UNC5A: variants seen among roughly 807,000 people sequenced by gnomAD.
UNC5A encodes unc-5 netrin receptor A, also known as netrin receptor UNC5A.
UNC5A carries 20 observed loss-of-function variants against 87.4 expected under a neutral mutation model. The ratio of observed to expected loss-of-function variants is 0.23; its 90% CI spans 0.16 to 0.33. The LOEUF is 0.33. UNC5A is among the 10% of genes least tolerant of loss of function. UNC5A has a pLI of 1.00. For synonymous variants in UNC5A, 438 were observed against 482.3 expected, an observed-to-expected ratio of 0.91 and a Z score of 1.20; for missense variants, 844 against 1,133.4, an observed-to-expected ratio of 0.74 and a Z score of 3.67.
intron 1 of UNC5A, among the ~76,000 whole-genome samples, chr5:176,820,408 A>G (rs1421538241): frequency 1.3e-5 from 2 of 152,074 alleles, no homozygotes; most frequent in Non-Finnish European, 2.9e-5. Flanking sequence ...AAAAAAAAAG[A>G]AAAGAAAGAA....
intron 1 of UNC5A, among the ~76,000 whole-genome samples, chr5:176,815,985 A>T (rs1756577065): frequency 6.6e-6 from 1 of 152,264 alleles, no homozygotes. Context: ...GACATGGCAC[A>T]GAGTGGGGCA....
intron 1 of UNC5A, among the ~76,000 whole-genome samples, chr5:176,813,627 A>G (rs1490552208): frequency 6.6e-6 from 1 of 152,168 alleles, no homozygotes; most frequent in Non-Finnish European, 1.5e-5. Flanking sequence ...GGAACCAGGG[A>G]TAGGCATTGA....
chr5:176,880,091 C>G lies in UNC5A; in HGVS notation c.*205C>G. Reference sequence around the variant, plus strand: ...GCCTGCCTAGCCAGGCTGGCACTGCCACTCACACTCGGCCCCAGGGCCCAG... The same window carrying G: ...GCCTGCCTAGCCAGGCTGGCACTGCGACTCACACTCGGCCCCAGGGCCCAG... On this transcript the variant is annotated 3_prime_UTR_variant, in exon 15 of 15. Transcript: ENST00000329542. 1.5e-6 allele frequency: 1 copy of G among 659,700 alleles called. No individual in the cohort carries two copies. The highest frequency in any genetic ancestry group is 2.9e-5 in the East Asian group (1 of 34,126). 40.9% of individuals were successfully genotyped at this position (659,700 alleles called of 1,614,324 possible).
chr5:176,812,484 G>A (rs527923870), intron 1 of UNC5A, among the ~76,000 whole-genome samples: 6 of 152,338 alleles, frequency 3.9e-5, no homozygotes, highest in Admixed American at 2.0e-4. Flanking sequence ...CCTGATGAAC[G>A]TGTGTGATGA....
At chr5:176,836,290 G>A (rs182663945) in intron 1 of UNC5A, among the ~76,000 whole-genome samples, 16 of 152,334 alleles carry the variant, frequency 1.1e-4, no homozygotes, top group African/African-American at 3.6e-4. Context: ...GTGAGTGAGG[G>A]ATGCCAGTAC....
intron 2 of UNC5A, chr5:176,864,933 C>A: frequency 2.3e-6 from 1 of 428,444 alleles, no homozygotes; most frequent in South Asian, 1.7e-5. Flanking sequence ...CCCTGCCCAG[C>A]AGCAGGGCCC....
chr5:176,879,662 G>A (rs922859197), intron 14 of UNC5A, 59 bp from the exon 15 acceptor site: 26 of 1,594,212 alleles, frequency 1.6e-5, no homozygotes, highest in South Asian at 5.7e-5. Context: ...GGCCAGGGGG[G>A]GCAGGAGGTG....
At chr5:176,837,392 T>C (rs974510454) in intron 1 of UNC5A, among the ~76,000 whole-genome samples, 1 of 152,196 alleles carries the variant, frequency 6.6e-6, no homozygotes, top group African/African-American at 2.4e-5. Context: ...TCTCTCCGGC[T>C]GACTTCCCAG....
chr5:176,830,973 GGTGTGT>G (rs140085130), intron 1 of UNC5A, among the ~76,000 whole-genome samples: 1 of 148,994 alleles, frequency 6.7e-6, no homozygotes, highest in Non-Finnish European at 1.5e-5. Context: ...TGTGTGTGCT[GGTGTGT>G]GTGTGTGTGA....
intron 1 of UNC5A, among the ~76,000 whole-genome samples, chr5:176,854,710 G>A (rs1757625993): frequency 6.6e-6 from 1 of 152,230 alleles, no homozygotes; most frequent in African/African-American, 2.4e-5. Context: ...TTGTCCCATT[G>A]CTGGGAATGA....
chr5:176,855,244 G>A (rs992703763), intron 1 of UNC5A, among the ~76,000 whole-genome samples: 1 of 152,258 alleles, frequency 6.6e-6, no homozygotes, highest in Non-Finnish European at 1.5e-5. Context: ...AATGCCTGCA[G>A]GACTGGCCCT....
chr5:176,814,227 G>A (rs1464550799), intron 1 of UNC5A, among the ~76,000 whole-genome samples: 9 of 152,124 alleles, frequency 5.9e-5, no homozygotes, highest in African/African-American at 1.2e-4. Flanking sequence ...GAAAGCTTTC[G>A]GTGACTCCCA....
In UNC5A at chr5:176,874,625, C is replaced by G. The variant is rs1758217362; in HGVS notation, c.1378+59C>G. 2 of 1,479,260 alleles carry G rather than the reference C, an allele frequency of 1.4e-6. No individual in the cohort carries two copies. Among genetic ancestry groups the G allele is most frequent in the Non-Finnish European group, 1.8e-6 (2 of 1,110,486 alleles). The allele number at this position is 1,479,260 out of a possible 1,614,324, so 91.6% of individuals were successfully genotyped here. A position where few individuals can be genotyped will look rare whatever the true frequency, so the allele number is the denominator to read the frequency against. ...ACTTCCCTCCTGGAGGAGGACGGGA[C>G]AGCCGGACGTTCCTCTCGTGCCCCT... On this transcript the variant is annotated intron_variant, in intron 8 of 14. Transcript: ENST00000329542. This position sits in a 1 kb window ranked among gnomAD's most constrained non-coding sequence, Gnocchi z 7.6.
rs1188429929 is a variant in UNC5A, at chr5:176,862,605, C to T, written c.71-19C>T. The T allele has an allele frequency of 1.2e-6, 2 of 1,611,370 alleles. No individual in the cohort carries two copies. The highest frequency in any genetic ancestry group is 1.7e-6 in the Non-Finnish European group (2 of 1,178,990). Reference sequence around the variant, plus strand: ...CCAGTCTGGCCCCTGGCTCACCTTCCCCCTCTGCCCTGCCGCAGGTGCCCA... The same window carrying T: ...CCAGTCTGGCCCCTGGCTCACCTTCTCCCTCTGCCCTGCCGCAGGTGCCCA... On this transcript the variant is annotated intron_variant, in intron 1 of 14. Coordinates refer to ENST00000329542, the MANE Select transcript of UNC5A (RefSeq NM_133369.3).
chr5:176,843,888 G>A lies in UNC5A; in HGVS notation c.71-18736G>A, dbSNP rs142464322. ...CGTTCTGACAGACGTGCGGCGCGTG[G>A]GGAGGGCTCTCAGCTGCTCCCTGGA... On this transcript the variant is annotated intron_variant, in intron 1 of 14. Transcript: ENST00000329542. Among the ~76,000 whole-genome samples the A allele has an allele frequency of 9.4e-3, 1,432 of 152,370 alleles. 5 individuals carry two copies. Among genetic ancestry groups the A allele is most frequent in the Non-Finnish European group, 0.017 (1,140 of 68,038 alleles).
intron 1 of UNC5A, among the ~76,000 whole-genome samples, chr5:176,829,354 TG>T (rs1307587306): frequency 7.0e-6 from 1 of 142,686 alleles, no homozygotes; most frequent in Non-Finnish European, 1.5e-5. Context: ...GATGGATGGA[TG>T]GATGGATGGA....
At chr5:176,854,558 G>A (rs1439123463) in intron 1 of UNC5A, among the ~76,000 whole-genome samples, 1 of 152,124 alleles carries the variant, frequency 6.6e-6, no homozygotes, top group Non-Finnish European at 1.5e-5. Flanking sequence ...GCTTCCCCAG[G>A]GTCCAGCACT....
Position 176,862,545 on chromosome 5 carries a change from T to G in UNC5A, c.71-79T>G, listed in dbSNP as rs1757865959. ...TCCTCCCATCTGCCCCAACCCACGGTGGAATCGTTTGCTGAGCCGCTGCCT... is the reference window on the plus strand; with the variant it reads ...TCCTCCCATCTGCCCCAACCCACGGGGGAATCGTTTGCTGAGCCGCTGCCT... On this transcript the variant is annotated intron_variant, in intron 1 of 14. Transcript: ENST00000329542. 4.4e-6 allele frequency: 6 copies of G among 1,351,950 alleles called. No individual in the cohort carries two copies. The East Asian group carries it at 1.5e-4, about 33-fold the overall frequency. The allele number at this position is 1,351,950 out of a possible 1,614,324, so 83.7% of individuals were successfully genotyped here. A position where few individuals can be genotyped will look rare whatever the true frequency, so the allele number is the denominator to read the frequency against.
intron 1 of UNC5A, among the ~76,000 whole-genome samples, chr5:176,822,311 G>T (rs114367428): frequency 0.017 from 2,645 of 152,336 alleles, 25 homozygotes; most frequent in Non-Finnish European, 0.025. Context: ...CAGGATCTGC[G>T]GTTGATAAAA....
Sources: gnomAD v4.1 joint callset for allele counts (sites outside exome capture counted in the v4.1 genomes callset) on GRCh38, gnomAD v4.1.1 for gene constraint, Gnocchi (gnomAD v3.1) non-coding constraint, MANE v1.5 for transcripts, NCBI Gene and HGNC (gene_info 2026-07-23, HGNC 2026-07-21) for gene names.